The following TMEM255A variants were observed in gnomAD, a reference collection of about 807,000 sequenced individuals.
TMEM255A encodes the protein transmembrane protein 255A, also known as family with sequence similarity 70, member A.
In TMEM255A, 14 loss-of-function variants were observed where a neutral mutation model predicts 23.5. The observed-to-expected ratio is 0.60, with a 90% CI of 0.39 to 0.93. The LOEUF (loss-of-function observed/expected upper bound fraction) is 0.93. Among genes scored for constraint, TMEM255A ranks in the 40% least tolerant of loss-of-function variants. The pLI is 0.00. For synonymous variants in TMEM255A, 104 were observed against 100.3 expected (o/e 1.04, Z -0.22); for missense variants, 233 against 261.7 (o/e 0.89, Z 0.76).
At chrX:120,307,520 G>T (rs1556027351) in intron 1 of TMEM255A, among the ~76,000 whole-genome samples, 1 of 112,380 alleles carries the variant, frequency 8.9e-6, no homozygotes, top group Non-Finnish European at 1.9e-5. Context: ...TATACCTAGT[G>T]TTTGATACCT....
chrX:120,262,046 G>A (rs901759008), intron 8 of TMEM255A, among the ~76,000 whole-genome samples: 12 of 111,911 alleles, frequency 1.1e-4, no homozygotes, highest in Non-Finnish European at 2.3e-4. Context: ...TCCCAGCACT[G>A]TAGGAGGCTG....
chrX:120,300,554 ATTT>A (rs368966488), intron 2 of TMEM255A, among the ~76,000 whole-genome samples: 86 of 74,196 alleles, frequency 1.2e-3, no homozygotes, highest in African/African-American at 4.9e-3. Flanking sequence ...GGCCAGGCTA[ATTT>A]TTTTTTTTTT....
At chrX:120,285,645 G>A (rs782117167) in intron 5 of TMEM255A, 1 of 1,211,462 alleles carries the variant, frequency 8.3e-7, no homozygotes, top group East Asian at 3.0e-5. Flanking sequence ...GCCTGGGTAA[G>A]GTTCCTCATA....
chrX:120,260,669 C>G lies in TMEM255A; in HGVS notation c.*201G>C, dbSNP rs1261589632. The stretch of plus-strand genomic sequence containing the variant: ...GTCTTGCTTAGAGAATGTGAGCTGC[C>G]CTTCTGTGCTGCGTTCAGCCTGACC... On this transcript the variant is annotated 3_prime_UTR_variant, in exon 9 of 9. Transcript: ENST00000371369. The G allele has an allele frequency of 2.3e-5, 10 of 442,422 alleles. No homozygotes were observed. Among genetic ancestry groups the G allele is most frequent in the Non-Finnish European group, 3.5e-5 (10 of 283,269 alleles). The allele number at this position is 442,422 out of a possible 1,213,427, so 36.5% of individuals were successfully genotyped here.
chrX:120,259,894 A>G lies in TMEM255A; in HGVS notation c.*976T>C, dbSNP rs2057665331. The G allele has an allele frequency of 8.9e-6, 1 of 112,883 alleles. No individual in the cohort carries two copies. Among genetic ancestry groups the G allele is most frequent in the African/African-American group, 3.3e-5 (1 of 30,651 alleles). 9.3% of individuals were successfully genotyped at this position (112,883 alleles called of 1,213,427 possible). A position where few individuals can be genotyped will look rare whatever the true frequency, so the allele number is the denominator to read the frequency against. ...CTGGTCTCAACAGACAAAAGGACCG[A>G]TAAGACCAGTGGCATTAAAATACAG... On this transcript the variant is annotated 3_prime_UTR_variant, in exon 9 of 9. Transcript: ENST00000371369.
chrX:120,277,874 C>T (rs1264217152), intron 6 of TMEM255A, among the ~76,000 whole-genome samples: 1 of 112,250 alleles, frequency 8.9e-6, no homozygotes, highest in Non-Finnish European at 1.9e-5. Flanking sequence ...CCAGCCCTGT[C>T]GCTCTCTATC....
intron 3 of TMEM255A, among the ~76,000 whole-genome samples, chrX:120,291,878 G>T (rs1556023052): frequency 9.2e-6 from 1 of 109,270 alleles, no homozygotes; most frequent in Non-Finnish European, 1.9e-5. Context: ...ATGATTCCGG[G>T]GTCCTGCAAA....
rs782697226 is a variant in TMEM255A, at chrX:120,260,847, C to T, written c.*23G>A. 1.7e-5 allele frequency: 21 copies of T among 1,200,246 alleles called. No individual in the cohort carries two copies. Among genetic ancestry groups the T allele is most frequent in the Admixed American group, 1.1e-4 (5 of 43,912 alleles). ...AGAAATACAAAAGCCACAATAATCT[C>T]AATAGCCAGCAGGCATTCCTCTTTA... On this transcript the variant is annotated 3_prime_UTR_variant, in exon 9 of 9. Coordinates refer to ENST00000371369, the MANE Select transcript of TMEM255A (RefSeq NM_001104544.3).
intron 2 of TMEM255A, among the ~76,000 whole-genome samples, chrX:120,294,390 T>C (rs1436497998): frequency 2.9e-5 from 3 of 101,724 alleles, no homozygotes; most frequent in South Asian, 4.7e-4. Context: ...GCCGAGATCC[T>C]GCCACTGCAC....
In TMEM255A at chrX:120,285,136, T is replaced by C; in HGVS notation, c.503A>G (p.Asn168Ser). The change falls in exon 6 of 9, where the codon AAC becomes AGC. Residue 168 changes from asparagine to serine, a missense_variant. Coordinates refer to ENST00000371369, the MANE Select transcript of TMEM255A (RefSeq NM_001104544.3). Reference sequence around the variant, plus strand: ...GGGCCTCAACACTTACTTGCCACAGTTGTAGAGGTCACAGCAGAAGCAGGT... The same window carrying C: ...GGGCCTCAACACTTACTTGCCACAGCTGTAGAGGTCACAGCAGAAGCAGGT... ...GNTCFCCDLY[N>S]CGNRVEITGG... is the part of the protein sequence containing the mutation. 1 of 1,208,710 alleles carries C rather than the reference T, an allele frequency of 8.3e-7. No individual in the cohort carries two copies. Among genetic ancestry groups the C allele is most frequent in the Non-Finnish European group, 1.1e-6 (1 of 893,016 alleles).
intron 1 of TMEM255A, among the ~76,000 whole-genome samples, chrX:120,309,690 C>A: frequency 8.9e-6 from 1 of 112,052 alleles, no homozygotes; most frequent in Non-Finnish European, 1.9e-5. Flanking sequence ...CTCTCTCTCT[C>A]GCTCTCGCTG....
Position 120,296,904 on chromosome X carries a change from AT to A in TMEM255A, c.202-2854del, listed in dbSNP as rs1248186641. 5.3e-4 allele frequency among the ~76,000 whole-genome samples: 3 copies of A among 5,632 alleles called. 1 individual carries two copies. The highest frequency in any genetic ancestry group is 1.3e-3 in the African/African-American group (1 of 783). 4.9% of individuals were successfully genotyped at this position (5,632 alleles called of 115,157 possible). On this transcript the variant is annotated intron_variant, in intron 2 of 8. Transcript: ENST00000371369. ...ATATATTATATATGATATATATAATATTATATATATATTATATATAATATTA... is the reference window on the plus strand; with the variant it reads ...ATATATTATATATGATATATATAATATATATATATATTATATATAATATTA...
the TMEM255A span, among the ~76,000 whole-genome samples, chrX:120,252,363 A>G: frequency 2.7e-5 from 3 of 110,886 alleles, no homozygotes; most frequent in Non-Finnish European, 5.7e-5. Flanking sequence ...TATATTTTTA[A>G]TATATGGGTT....
chrX:120,303,664 T>C, intron 2 of TMEM255A, among the ~76,000 whole-genome samples: 1 of 109,329 alleles, frequency 9.1e-6, no homozygotes, highest in Non-Finnish European at 1.9e-5. Flanking sequence ...ATATTCACAA[T>C]TATCTAGTGG....
At chrX:120,295,945 TA>T (rs1249897714) in intron 2 of TMEM255A, among the ~76,000 whole-genome samples, 3 of 111,945 alleles carry the variant, frequency 2.7e-5, no homozygotes, top group Non-Finnish European at 5.6e-5. Context: ...GAAAATCTTA[TA>T]ATTATGTGCT....
At chrX:120,266,265 AT>A (rs1311400353) in intron 8 of TMEM255A, among the ~76,000 whole-genome samples, 1 of 110,592 alleles carries the variant, frequency 9.0e-6, no homozygotes, top group Non-Finnish European at 1.9e-5. Context: ...TGGGTTAGGT[AT>A]GCTGTTTCCA....
chrX:120,253,818 A>C (rs1045927267), downstream of TMEM255A: 1 of 1,211,578 alleles, frequency 8.3e-7, no homozygotes, highest in Non-Finnish European at 1.1e-6. Context: ...GGATGGTAAT[A>C]CTGAGCCTTT....
chrX:120,296,667 A>AAT (rs1322043694), intron 2 of TMEM255A, among the ~76,000 whole-genome samples: 5 of 64,852 alleles, frequency 7.7e-5, no homozygotes, highest in Non-Finnish European at 1.3e-4. Context: ...ATTATAATAT[A>AAT]ATATATATTA....
Position 120,276,870 on chromosome X carries a change from C to G in TMEM255A, c.675+15G>C. 4.1e-6 allele frequency: 5 copies of G among 1,205,330 alleles called. No homozygotes were observed. Among genetic ancestry groups the G allele is most frequent in the Non-Finnish European group, 5.6e-6 (5 of 891,876 alleles). On this transcript the variant is annotated intron_variant, in intron 7 of 8. Coordinates refer to ENST00000371369, the MANE Select transcript of TMEM255A (RefSeq NM_001104544.3). The stretch of plus-strand genomic sequence containing the variant: ...CAGGGGCCACTGTGAAATGCAAAGT[C>G]AATTCTTTCCTTACCATGTCCTTAA...
Sources: gnomAD v4.1 joint callset for allele counts (sites outside exome capture counted in the v4.1 genomes callset) on GRCh38, gnomAD v4.1.1 for gene constraint, MANE v1.5 for transcripts, NCBI Gene and HGNC (gene_info 2026-07-23, HGNC 2026-07-21) for gene names.